Variants in NFXL1 observed in about 807,000 individuals in gnomAD.
NFXL1 encodes the protein NF-X1-type zinc finger protein NFXL1.
Under a neutral mutation model 123.3 loss-of-function variants are expected in NFXL1, and 66 were observed. The ratio of observed to expected loss-of-function variants is 0.54; its 90% CI spans 0.44 to 0.66. The LOEUF (loss-of-function observed/expected upper bound fraction) is 0.66. Ranked by LOEUF, NFXL1 falls within the 30% of genes least tolerant of loss-of-function variation. NFXL1 has a pLI of 0.00. For missense variants in NFXL1, 944 were observed against 1,125.6 expected, an observed-to-expected ratio of 0.84 and a Z score of 2.31; for synonymous variants, 346 against 360.8, an observed-to-expected ratio of 0.96 and a Z score of 0.46.
At chr4:47,856,164 A>T (rs1734399236) in intron 19 of NFXL1, among the ~76,000 whole-genome samples, 1 of 152,150 alleles carries the variant, frequency 6.6e-6, no homozygotes, top group African/African-American at 2.4e-5. Flanking sequence ...TGAGTCCCAG[A>T]TTACCTGTTT....
At chr4:47,900,706 GTA>G (rs1407428986) in intron 5 of NFXL1, among the ~76,000 whole-genome samples, 2 of 152,094 alleles carry the variant, frequency 1.3e-5, no homozygotes, top group Non-Finnish European at 1.5e-5. Flanking sequence ...TCCCAAATGA[GTA>G]TAGTTAGTAT....
intron 14 of NFXL1, among the ~76,000 whole-genome samples, chr4:47,885,050 C>T (rs756408989): frequency 9.3e-5 from 14 of 150,972 alleles, no homozygotes; most frequent in East Asian, 5.8e-4. Context: ...TCACTGAACC[C>T]GGGAGGTGGA....
intron 4 of NFXL1, among the ~76,000 whole-genome samples, chr4:47,903,723 T>C (rs1737446674): frequency 6.6e-6 from 1 of 152,166 alleles, no homozygotes; most frequent in Admixed American, 6.5e-5. Flanking sequence ...TTAAATTTCT[T>C]GTTGGATGAT....
At chr4:47,887,513 C>G (rs1736513401) in intron 12 of NFXL1, among the ~76,000 whole-genome samples, 1 of 152,150 alleles carries the variant, frequency 6.6e-6, no homozygotes, top group Admixed American at 6.5e-5. Context: ...TGTTTTGACA[C>G]ATATATTCTT....
intron 8 of NFXL1, 35 bp from the exon 9 acceptor site, chr4:47,898,116 T>A (rs985983856): frequency 7.4e-7 from 1 of 1,350,182 alleles, no homozygotes; most frequent in Non-Finnish European, 1.0e-6. Flanking sequence ...AATGAAGGAT[T>A]TAAAAGTTAA....
At chr4:47,879,404 C>G (rs1287982074) in intron 15 of NFXL1, among the ~76,000 whole-genome samples, 1 of 151,974 alleles carries the variant, frequency 6.6e-6, no homozygotes, top group Non-Finnish European at 1.5e-5. Context: ...GGGACAACTA[C>G]AAAATACTGA....
chr4:47,885,086 C>T (rs1736344233), intron 14 of NFXL1, among the ~76,000 whole-genome samples: 1 of 150,212 alleles, frequency 6.7e-6, no homozygotes, highest in Admixed American at 6.6e-5. Context: ...GATCACACCA[C>T]TGCACTCCAG....
In NFXL1 at chr4:47,907,773, C is replaced by T. The variant is rs184123726; in HGVS notation, c.407-2427G>A. On this transcript the variant is annotated intron_variant, in intron 3 of 22. Transcript: ENST00000507489. ...TGACAAATGTTTTCTACATACTAGA[C>T]TGAAAGACATTATTGCATTTTCTAT... 4.8e-3 allele frequency among the ~76,000 whole-genome samples: 735 copies of T among 152,242 alleles called. 5 individuals carry two copies. Among genetic ancestry groups the T allele is most frequent in the African/African-American group, 0.017 (703 of 41,514 alleles).
intron 18 of NFXL1, among the ~76,000 whole-genome samples, chr4:47,870,117 T>C (rs1022293547): frequency 1.3e-5 from 2 of 152,126 alleles, no homozygotes; most frequent in Non-Finnish European, 2.9e-5. Context: ...AAACCCTCAA[T>C]GACCAGTTAA....
chr4:47,862,242 C>T (rs1281080717), intron 19 of NFXL1, among the ~76,000 whole-genome samples: 2 of 152,258 alleles, frequency 1.3e-5, no homozygotes, highest in Middle Eastern at 3.4e-3. Flanking sequence ...GAATAAAATG[C>T]TTAGACAACC....
intron 8 of NFXL1, 74 bp from the exon 9 acceptor site, chr4:47,898,155 C>T: frequency 1.2e-6 from 1 of 852,150 alleles, no homozygotes; most frequent in African/African-American, 1.8e-5. Flanking sequence ...AAGACACAAT[C>T]CATTTTTCAA....
At chr4:47,913,090 T>G (rs189602574) in intron 2 of NFXL1, among the ~76,000 whole-genome samples, 2 of 150,590 alleles carry the variant, frequency 1.3e-5, no homozygotes, top group Non-Finnish European at 2.9e-5. Context: ...TCACGGCCAT[T>G]AACTGCATGC....
chr4:47,876,817 G>T (rs1229401301), intron 17 of NFXL1, among the ~76,000 whole-genome samples: 2 of 152,068 alleles, frequency 1.3e-5, no homozygotes, highest in African/African-American at 2.4e-5. Flanking sequence ...TCAGATTCAG[G>T]ATCTATTGAT....
In NFXL1 at chr4:47,888,533, T is replaced by C. The variant is rs117607427; in HGVS notation, c.1543+2080A>G. ...ACTAATAAGCTTTTCTAAGGATTAA[T>C]AGAAATCTATAAAAACAAAACAAAC... On this transcript the variant is annotated intron_variant, in intron 12 of 22. Transcript: ENST00000507489. 5.6e-3 allele frequency among the ~76,000 whole-genome samples: 847 copies of C among 150,132 alleles called. 6 individuals are homozygous for C. The highest frequency in any genetic ancestry group is 8.0e-3 in the Non-Finnish European group (540 of 67,720).
At chr4:47,889,186 T>A (rs375715680) in intron 12 of NFXL1, among the ~76,000 whole-genome samples, 15 of 152,316 alleles carry the variant, frequency 9.8e-5, no homozygotes, top group African/African-American at 3.6e-4. Context: ...TGTGGTAAAT[T>A]ACATAATATT....
intron 11 of NFXL1, among the ~76,000 whole-genome samples, chr4:47,892,832 CATCTAGCAGACA>C (rs1251325037): frequency 6.6e-6 from 1 of 152,134 alleles, no homozygotes; most frequent in Non-Finnish European, 1.5e-5. Context: ...AATCAAAAAT[CATCTAGCAGACA>C]AAGAAGCAGG....
intron 15 of NFXL1, among the ~76,000 whole-genome samples, chr4:47,882,681 A>G (rs1384454800): frequency 6.6e-6 from 1 of 151,842 alleles, no homozygotes; most frequent in Non-Finnish European, 1.5e-5. Flanking sequence ...TTCTTTTCAG[A>G]CTATATAAGT....
At position 47,903,506 on chromosome 4, in the gene NFXL1, T is replaced by G. The variant is rs542694197; in HGVS notation, c.517-183A>C. On this transcript the variant is annotated intron_variant, in intron 4 of 22. Coordinates refer to ENST00000507489, the MANE Select transcript of NFXL1 (RefSeq NM_001278624.2). ...GGAAATGCATTTAAATGTAGGATACTTCGAAGAAAATTATTATTAGTCAAA... is the reference window on the plus strand; with the variant it reads ...GGAAATGCATTTAAATGTAGGATACGTCGAAGAAAATTATTATTAGTCAAA... Among the ~76,000 whole-genome samples the G allele has an allele frequency of 1.0e-3, 156 of 152,306 alleles. 2 individuals are homozygous for G. The highest frequency in any genetic ancestry group is 1.5e-3 in the Non-Finnish European group (100 of 68,024).
intron 20 of NFXL1, among the ~76,000 whole-genome samples, chr4:47,854,447 T>C (rs1394775160): frequency 6.6e-6 from 1 of 152,118 alleles, no homozygotes; most frequent in Non-Finnish European, 1.5e-5. Context: ...ACAGTATATT[T>C]TCCTTCATAA....
Sources: allele counts gnomAD v4.1 joint callset (sites outside exome capture counted in the v4.1 genomes callset), GRCh38; gene constraint gnomAD v4.1.1; transcripts MANE v1.5; gene names NCBI Gene and HGNC (gene_info 2026-07-23, HGNC 2026-07-21).